Variants in SNX24 observed in about 807,000 individuals in gnomAD.
SNX24 encodes sorting nexin 24.
SNX24 carries 22 observed loss-of-function variants against 28.7 expected under a neutral mutation model. The ratio of observed to expected loss-of-function variants is 0.77; its 90% confidence interval spans 0.55 to 1.10. SNX24 has a LOEUF of 1.10. SNX24 is among the 50% of genes least tolerant of loss of function. SNX24 has a pLI of 0.00. For synonymous variants in SNX24, 69 were observed against 71.5 expected (o/e 0.96, Z 0.18); for missense variants, 221 against 201.1 (o/e 1.10, Z -0.60).
At chr5:122,968,783 A>G (rs1162021739) in intron 3 of SNX24, among the ~76,000 whole-genome samples, 9 of 152,184 alleles carry the variant, frequency 5.9e-5, no homozygotes, top group Admixed American at 5.9e-4. Flanking sequence ...TAGAATAAGA[A>G]CAGCAGGGTT....
chr5:122,974,012 T>C (rs1279494054), intron 3 of SNX24, among the ~76,000 whole-genome samples: 1 of 152,226 alleles, frequency 6.6e-6, no homozygotes. Flanking sequence ...TCTCCTGTTC[T>C]GGACTCGAAA....
chr5:122,863,701 G>A (rs1262126103), intron 1 of SNX24, among the ~76,000 whole-genome samples: 2 of 152,144 alleles, frequency 1.3e-5, no homozygotes, highest in South Asian at 2.1e-4. Context: ...GACCATGGAC[G>A]CATGCTATCA....
Position 122,864,545 on chromosome 5 carries a change from T to A in SNX24, c.60+18852T>A, listed in dbSNP as rs561894051. 2.0e-5 allele frequency among the ~76,000 whole-genome samples: 3 copies of A among 152,318 alleles called. No individual in the cohort carries two copies. The South Asian group carries it at 6.2e-4, about 32-fold the overall frequency. ...TCCCCAAACATTCAGTGATGAGTTT[T>A]AAGGACAATTTAGTGGGTGGGGAGA... On this transcript the variant is annotated intron_variant, in intron 1 of 6. Coordinates refer to ENST00000261369, the MANE Select transcript of SNX24 (RefSeq NM_014035.4).
chr5:122,929,825 C>G (rs1758871763), intron 1 of SNX24, among the ~76,000 whole-genome samples: 1 of 151,308 alleles, frequency 6.6e-6, no homozygotes, highest in African/African-American at 2.4e-5. Context: ...TTTTTTTTCT[C>G]TACTTTGTTT....
At chr5:122,859,367 G>A (rs1369964495) in intron 1 of SNX24, among the ~76,000 whole-genome samples, 1 of 152,088 alleles carries the variant, frequency 6.6e-6, no homozygotes, top group Non-Finnish European at 1.5e-5. Context: ...ACTTTGGAAG[G>A]CCAAGGTGGG....
chr5:122,936,757 GA>G lies in SNX24; in HGVS notation c.86del (p.Asn29MetfsTer25). On this transcript the variant is annotated frameshift_variant, in exon 2 of 7. Transcript: ENST00000261369. LOFTEE classifies it high-confidence loss of function. ...YTVFKIEVLM[N>X]GRKHFVEKRY... ...AGGTGTTTAAGATAGAAGTGCTAAT[GA>G]ATGGAAGAAAACATTTTGTTGAAAA... The G allele has an allele frequency of 1.0e-5, 16 of 1,603,506 alleles. No individual in the cohort carries two copies. The highest frequency in any genetic ancestry group is 1.3e-5 in the Non-Finnish European group (15 of 1,171,712).
chr5:123,018,752 T>C (rs1468977113), intron 5 of SNX24, among the ~76,000 whole-genome samples: 1 of 151,868 alleles, frequency 6.6e-6, no homozygotes, highest in East Asian at 1.9e-4. Flanking sequence ...AGTGGTGGGA[T>C]ATCGGCTCAC....
intron 3 of SNX24, among the ~76,000 whole-genome samples, chr5:122,975,935 A>T (rs1265709482): frequency 6.6e-6 from 1 of 152,192 alleles, no homozygotes; most frequent in Non-Finnish European, 1.5e-5. Flanking sequence ...TTCCCTCTCT[A>T]TGAATCTGTC....
intron 1 of SNX24, among the ~76,000 whole-genome samples, chr5:122,915,799 G>A (rs1758134471): frequency 2.6e-5 from 4 of 152,176 alleles, no homozygotes; most frequent in African/African-American, 9.7e-5. Flanking sequence ...GAGCCCTCCT[G>A]TGCCTTGAGC....
intron 1 of SNX24, among the ~76,000 whole-genome samples, chr5:122,891,545 GTAT>G (rs1267465999): frequency 2.6e-5 from 4 of 151,960 alleles, no homozygotes; most frequent in Non-Finnish European, 5.9e-5. Flanking sequence ...TTTTTTATAA[GTAT>G]TATAAGTCTT....
At chr5:122,863,844 C>G (rs897179527) in intron 1 of SNX24, among the ~76,000 whole-genome samples, 2 of 152,126 alleles carry the variant, frequency 1.3e-5, no homozygotes, top group African/African-American at 4.8e-5. Context: ...CATGAGGCAC[C>G]GTACCTAGCC....
chr5:122,950,610 C>T (rs1759897487), intron 3 of SNX24, among the ~76,000 whole-genome samples: 1 of 152,126 alleles, frequency 6.6e-6, no homozygotes, highest in South Asian at 2.1e-4. Flanking sequence ...AAGAAAGAAG[C>T]AGTGTCTTTC....
At chr5:122,944,785 T>C (rs1759613021) in intron 2 of SNX24, among the ~76,000 whole-genome samples, 1 of 152,204 alleles carries the variant, frequency 6.6e-6, no homozygotes, top group Non-Finnish European at 1.5e-5. Flanking sequence ...TACTCTTACA[T>C]ATGGAAAGAA....
intron 1 of SNX24, among the ~76,000 whole-genome samples, chr5:122,864,597 G>C (rs1261167747): frequency 6.6e-6 from 1 of 152,204 alleles, no homozygotes; most frequent in Non-Finnish European, 1.5e-5. Context: ...GTGCTGATTG[G>C]TCATGTCAGA....
At chr5:122,936,963 G>T in intron 2 of SNX24, 146 bp downstream of exon 2, 2 of 464,004 alleles carry the variant, frequency 4.3e-6, no homozygotes, top group Admixed American at 4.0e-5. Context: ...ATTTCTTTTT[G>T]GAATAAGTTA....
downstream of SNX24, among the ~76,000 whole-genome samples, chr5:123,012,784 G>T (rs948922894): frequency 2.0e-5 from 3 of 152,158 alleles, no homozygotes; most frequent in Admixed American, 2.0e-4. Context: ...ACACATACCA[G>T]TTACTAGTCT....
At chr5:122,976,556 A>G (rs1228852940) in intron 3 of SNX24, among the ~76,000 whole-genome samples, 1 of 152,224 alleles carries the variant, frequency 6.6e-6, no homozygotes, top group Non-Finnish European at 1.5e-5. Context: ...ATTGGCACAC[A>G]AAAGGTTGCT....
chr5:123,012,245 G>T (rs1035732282), downstream of SNX24, among the ~76,000 whole-genome samples: 2 of 152,088 alleles, frequency 1.3e-5, no homozygotes, highest in Non-Finnish European at 2.9e-5. Flanking sequence ...GCATGAGAAC[G>T]GACTAATACA....
chr5:122,883,545 A>G (rs548055407), intron 1 of SNX24, among the ~76,000 whole-genome samples: 10 of 152,300 alleles, frequency 6.6e-5, no homozygotes, highest in East Asian at 1.9e-4. Context: ...ATGAACTTCT[A>G]TTAATGTCTG....
Sources: allele counts gnomAD v4.1 joint callset (sites outside exome capture counted in the v4.1 genomes callset), GRCh38; gene constraint gnomAD v4.1.1; transcripts MANE v1.5; gene names NCBI Gene and HGNC (gene_info 2026-07-23, HGNC 2026-07-21).